CREB5: variants seen among roughly 807,000 people sequenced by gnomAD.
CREB5 encodes cAMP responsive element binding protein 5.
In CREB5, 19 loss-of-function variants were observed where a neutral mutation model predicts 57.1. That is an observed-to-expected ratio of 0.33 (90% CI 0.23 to 0.49). The LOEUF (loss-of-function observed/expected upper bound fraction) is 0.49. Among genes scored for constraint, CREB5 ranks in the 20% least tolerant of loss-of-function variants. The pLI is 0.99. For missense variants in CREB5, 579 were observed against 671.6 expected, an observed-to-expected ratio of 0.86 and a Z score of 1.52; for synonymous variants, 238 against 238.3, an observed-to-expected ratio of 1.00 and a Z score of 0.01.
intron 5 of CREB5, among the ~76,000 whole-genome samples, chr7:28,710,151 T>C (rs1226445714): frequency 6.6e-6 from 1 of 152,226 alleles, no homozygotes; most frequent in African/African-American, 2.4e-5. Context: ...GGGGTGTTGA[T>C]AAAAACTACA....
chr7:28,736,502 A>G (rs1803988243), intron 7 of CREB5, among the ~76,000 whole-genome samples: 1 of 152,130 alleles, frequency 6.6e-6, no homozygotes, highest in Admixed American at 6.5e-5. Flanking sequence ...TACATATATT[A>G]TCTTCTTTAA....
intron 4 of CREB5, among the ~76,000 whole-genome samples, chr7:28,523,960 T>TAGAG (rs1342895813): frequency 6.6e-6 from 1 of 152,234 alleles, no homozygotes; most frequent in African/African-American, 2.4e-5. Flanking sequence ...CACAGGGCTC[T>TAGAG]GCCTGTCTCC....
At chr7:28,809,444 T>C (rs1304892020) in intron 9 of CREB5, 30 bp downstream of exon 9, 2 of 1,559,642 alleles carry the variant, frequency 1.3e-6, no homozygotes, top group Non-Finnish European at 1.7e-6. Context: ...TCCCCGCGAC[T>C]CAAAGGCCCT....
chr7:28,701,241 T>C (rs1801843714), intron 5 of CREB5, among the ~76,000 whole-genome samples: 1 of 152,202 alleles, frequency 6.6e-6, no homozygotes, highest in African/African-American at 2.4e-5. Context: ...GTCTAGTTTC[T>C]GCGGGTGCTG....
chr7:28,627,815 T>G (rs1798057623), intron 5 of CREB5, among the ~76,000 whole-genome samples: 1 of 152,112 alleles, frequency 6.6e-6, no homozygotes, highest in Non-Finnish European at 1.5e-5. Context: ...AGAAATTATT[T>G]TCATGACAGT....
At chr7:28,399,649 C>T (rs1787411643) in intron 1 of CREB5, among the ~76,000 whole-genome samples, 1 of 152,136 alleles carries the variant, frequency 6.6e-6, no homozygotes, top group Admixed American at 6.5e-5. Context: ...GTCATAGTGT[C>T]TCACACCTAT....
chr7:28,745,572 C>A (rs74511161), intron 7 of CREB5, among the ~76,000 whole-genome samples: 1 of 152,116 alleles, frequency 6.6e-6, no homozygotes, highest in Non-Finnish European at 1.5e-5. Flanking sequence ...ATTCTGAGAA[C>A]GGAGCAGGCG....
chr7:28,803,938 G>C (rs567331760), intron 7 of CREB5, among the ~76,000 whole-genome samples: 132 of 152,156 alleles, frequency 8.7e-4, no homozygotes, highest in African/African-American at 2.9e-3. Flanking sequence ...TTCTTGATAG[G>C]ATATCCTGCC....
At chr7:28,374,838 C>T (rs1432809114) in intron 1 of CREB5, among the ~76,000 whole-genome samples, 3 of 152,184 alleles carry the variant, frequency 2.0e-5, no homozygotes, top group Non-Finnish European at 4.4e-5. Flanking sequence ...ACCTCATGCC[C>T]AGGTAGCCCT....
intron 5 of CREB5, among the ~76,000 whole-genome samples, chr7:28,586,582 C>T (rs1583668610): frequency 1.3e-5 from 2 of 151,952 alleles, no homozygotes; most frequent in South Asian, 4.2e-4. Context: ...ATTATAAGGG[C>T]GAAGAAAAGA....
chr7:28,421,741 G>T (rs1788256133), intron 1 of CREB5, among the ~76,000 whole-genome samples: 1 of 130,994 alleles, frequency 7.6e-6, no homozygotes, highest in Non-Finnish European at 1.6e-5. Context: ...ATAGCCTTTA[G>T]CACCATATAT....
intron 1 of CREB5, among the ~76,000 whole-genome samples, chr7:28,407,057 TA>T (rs951776348): frequency 4.7e-5 from 7 of 148,972 alleles, no homozygotes; most frequent in Middle Eastern, 3.4e-3. Context: ...TTTTTCCTTT[TA>T]TTTTTTTTGA....
intron 8 of CREB5, among the ~76,000 whole-genome samples, chr7:28,806,578 C>T (rs543306688): frequency 3.0e-4 from 46 of 152,278 alleles, no homozygotes; most frequent in African/African-American, 7.9e-4. Context: ...AAATTACAAG[C>T]GACAATAATT....
intron 5 of CREB5, among the ~76,000 whole-genome samples, chr7:28,579,198 T>G (rs1374180115): frequency 6.6e-6 from 1 of 152,220 alleles, no homozygotes; most frequent in African/African-American, 2.4e-5. Context: ...TCCCAGGAAT[T>G]CTGAAACAAG....
At chr7:28,786,848 A>G (rs773538139) in intron 7 of CREB5, among the ~76,000 whole-genome samples, 4 of 152,226 alleles carry the variant, frequency 2.6e-5, no homozygotes, top group Non-Finnish European at 4.4e-5. Context: ...GCCAAAGTCC[A>G]TGTGCAAATC....
At chr7:28,462,430 T>A (rs1415872555) in intron 1 of CREB5, among the ~76,000 whole-genome samples, 2 of 152,188 alleles carry the variant, frequency 1.3e-5, no homozygotes, top group African/African-American at 4.8e-5. Flanking sequence ...TTCTTTTGGG[T>A]ATACACCCAG....
chr7:28,463,889 C>T (rs1465428249), intron 1 of CREB5, among the ~76,000 whole-genome samples: 1 of 152,058 alleles, frequency 6.6e-6, no homozygotes, highest in Admixed American at 6.5e-5. Context: ...TTTAATGGGT[C>T]CTTTCCAATC....
At chr7:28,397,034 T>C (rs1408062488) in intron 1 of CREB5, among the ~76,000 whole-genome samples, 2 of 152,376 alleles carry the variant, frequency 1.3e-5, no homozygotes, top group East Asian at 3.9e-4. Context: ...GGAGTGTTTT[T>C]GTTCATAACA....
intron 5 of CREB5, among the ~76,000 whole-genome samples, chr7:28,689,299 TCTA>T (rs1801118006): frequency 6.6e-6 from 1 of 152,032 alleles, no homozygotes; most frequent in Non-Finnish European, 1.5e-5. Flanking sequence ...AAACCCCGTC[TCTA>T]CTAAAAATAC....
Sources: allele counts gnomAD v4.1 joint callset (sites outside exome capture counted in the v4.1 genomes callset), GRCh38; gene constraint gnomAD v4.1.1; transcripts MANE v1.5; gene names NCBI Gene and HGNC (gene_info 2026-07-23, HGNC 2026-07-21).